CD82: variants seen among roughly 807,000 people sequenced by gnomAD.
CD82 encodes CD82 molecule.
A neutral mutation model predicts 37.4 loss-of-function variants in CD82; 36 were observed. The ratio of observed to expected loss-of-function variants is 0.96; its 90% confidence interval spans 0.74 to 1.27. CD82 has a LOEUF of 1.27. Among genes scored for constraint, CD82 ranks in the 50% most tolerant of loss-of-function variants. CD82 has a pLI of 0.00. For missense variants in CD82, 340 were observed against 347.0 expected, an observed-to-expected ratio of 0.98 and a Z score of 0.16; for synonymous variants, 158 against 137.4, an observed-to-expected ratio of 1.15 and a Z score of -1.05.
intron 4 of CD82, among the ~76,000 whole-genome samples, chr11:44,604,201 C>T (rs1430901198): frequency 1.3e-5 from 2 of 152,186 alleles, no homozygotes; most frequent in East Asian, 3.8e-4. Flanking sequence ...AATGTCAGAC[C>T]TTGTTAGTCA....
chr11:44,602,517 C>T (rs1853322049), intron 4 of CD82, among the ~76,000 whole-genome samples: 1 of 152,112 alleles, frequency 6.6e-6, no homozygotes, highest in African/African-American at 2.4e-5. Context: ...AGGCTTTAGA[C>T]CCATTTTACA....
chr11:44,574,957 G>T (rs1852868925), intron 1 of CD82, among the ~76,000 whole-genome samples: 1 of 152,186 alleles, frequency 6.6e-6, no homozygotes, highest in African/African-American at 2.4e-5. Flanking sequence ...TGATCGCCTT[G>T]TCCCTATGTA....
At chr11:44,581,222 G>T (rs1852974452) in intron 1 of CD82, among the ~76,000 whole-genome samples, 1 of 152,214 alleles carries the variant, frequency 6.6e-6, no homozygotes, top group Non-Finnish European at 1.5e-5. Flanking sequence ...CAGGCAGCAT[G>T]GTGTGACAGT....
rs758151345 is a variant in CD82, at chr11:44,618,287, GAGGA to G, written c.568_571del (p.Lys190AlafsTer118). On this transcript the variant is annotated frameshift_variant, in exon 8 of 10. Transcript: ENST00000227155. LOFTEE classifies it high-confidence loss of function. ...GGGAAGAGGACAACAGCCTTTCTGT[GAGGA>G]AGGGCTTCTGCGAGGCCCCCGGCAA... 4.3e-6 allele frequency: 7 copies of G among 1,614,036 alleles called. No individual in the cohort carries two copies. The highest frequency in any genetic ancestry group is 5.9e-6 in the Non-Finnish European group (7 of 1,180,034).
chr11:44,587,328 T>C, intron 1 of CD82, 147 bp from the exon 2 acceptor site: 1 of 419,492 alleles, frequency 2.4e-6, no homozygotes, highest in Non-Finnish European at 4.9e-6. Context: ...CATGAGCCTG[T>C]GGGGGGAAGA....
rs962887354 is a variant in CD82, at chr11:44,597,421, G to A, written c.63+2696G>A. 2.0e-5 allele frequency among the ~76,000 whole-genome samples: 3 copies of A among 152,238 alleles called. No individual in the cohort carries two copies. Among genetic ancestry groups the A allele is most frequent in the Non-Finnish European group, 4.4e-5 (3 of 68,038 alleles). Reference sequence around the variant, plus strand: ...TCCAGTCTTGGTTCACAGAGAAAAAGGGGGTGCCATGGTGCCTTGCCCATT... The same window carrying A: ...TCCAGTCTTGGTTCACAGAGAAAAAAGGGGTGCCATGGTGCCTTGCCCATT... On this transcript the variant is annotated intron_variant, in intron 3 of 9. Coordinates refer to ENST00000227155, the MANE Select transcript of CD82 (RefSeq NM_002231.4). The surrounding 1 kb of genome is among the most constrained non-coding windows in gnomAD (Gnocchi z 4.1).
At chr11:44,594,587 T>C (rs1853194010) in intron 2 of CD82, 56 bp from the exon 3 acceptor site, 1 of 1,116,752 alleles carries the variant, frequency 9.0e-7, no homozygotes, top group African/African-American at 1.5e-5. Flanking sequence ...CTGGGGTTGC[T>C]GCAAGGGCAG....
intron 4 of CD82, 127 bp downstream of exon 4, chr11:44,600,357 G>A (rs576017432): frequency 4.7e-6 from 4 of 854,564 alleles, no homozygotes; most frequent in Non-Finnish European, 7.5e-6. Context: ...CCTCAGGGAT[G>A]TGGCGAGGTC....
At chr11:44,571,204 T>C (rs1852810003) in intron 1 of CD82, among the ~76,000 whole-genome samples, 1 of 152,180 alleles carries the variant, frequency 6.6e-6, no homozygotes, top group African/African-American at 2.4e-5. Flanking sequence ...AGCATGACCT[T>C]GGCCAGAGAG....
At chr11:44,572,631 T>C (rs552316090) in intron 1 of CD82, among the ~76,000 whole-genome samples, 2 of 152,192 alleles carry the variant, frequency 1.3e-5, no homozygotes, top group South Asian at 2.1e-4. Flanking sequence ...AAGAGTTAGA[T>C]ATGAATAGGA....
chr11:44,594,872 C>G (rs1181524496), intron 3 of CD82, 147 bp downstream of exon 3: 4 of 672,112 alleles, frequency 6.0e-6, no homozygotes, highest in Non-Finnish European at 1.1e-5. Flanking sequence ...TCCAACGGAA[C>G]CTAGTTGGGG....
At chr11:44,586,516 C>T (rs1443843071) in intron 1 of CD82, among the ~76,000 whole-genome samples, 1 of 152,184 alleles carries the variant, frequency 6.6e-6, no homozygotes, top group Non-Finnish European at 1.5e-5. Context: ...ATCAGCCAGG[C>T]ATCGTGGCGT....
In CD82 at chr11:44,605,074, G is replaced by T; in HGVS notation, c.153G>T (p.Ser51=). 6.2e-7 allele frequency: 1 copy of T among 1,614,170 alleles called. No individual in the cohort carries two copies. The highest frequency in any genetic ancestry group is 8.5e-7 in the Non-Finnish European group (1 of 1,180,032). Residue 51 remains serine, a synonymous_variant, in exon 5 of 10, where the codon TCG becomes TCT. Coordinates refer to ENST00000227155, the MANE Select transcript of CD82 (RefSeq NM_002231.4). ...FISVLQTSSS[S]LRMGAYVFIG... ...TCCCCCTAGAAACCTCCTCCAGCTC[G>T]CTTAGGATGGGGGCCTATGTCTTCA...
intron 3 of CD82, among the ~76,000 whole-genome samples, chr11:44,598,124 C>T (rs1352355850): frequency 2.6e-5 from 4 of 152,080 alleles, no homozygotes; most frequent in Admixed American, 6.5e-5. Context: ...TTACAAGGCC[C>T]GTCTCACTGG....
At chr11:44,610,647 T>C (rs1853467164) in intron 6 of CD82, among the ~76,000 whole-genome samples, 1 of 151,886 alleles carries the variant, frequency 6.6e-6, no homozygotes, top group African/African-American at 2.4e-5. Flanking sequence ...GCTGCACAGA[T>C]CAAGGTCTGG....
At chr11:44,577,256 C>T (rs984355762) in intron 1 of CD82, among the ~76,000 whole-genome samples, 1 of 152,182 alleles carries the variant, frequency 6.6e-6, no homozygotes, top group African/African-American at 2.4e-5. Context: ...CTGTGCTTGT[C>T]CTCTAAAATG....
intron 1 of CD82, among the ~76,000 whole-genome samples, chr11:44,586,885 CAG>C: frequency 6.6e-6 from 1 of 152,342 alleles, no homozygotes; most frequent in Non-Finnish European, 1.5e-5. Context: ...CTCTGGGAAA[CAG>C]GGTGAGTGGC....
At chr11:44,565,374 G>A (rs1335973625), upstream of CD82, among the ~76,000 whole-genome samples, 2 of 152,206 alleles carry the variant, frequency 1.3e-5, no homozygotes, top group East Asian at 3.9e-4. Flanking sequence ...CAGGGCTGGA[G>A]CGGGGCGGGC....
rs1853613348 is a variant in CD82 at position 44,618,966 on chromosome 11, C to T, written c.727-83C>T. 3.3e-6 allele frequency: 4 copies of T among 1,207,900 alleles called. No individual in the cohort carries two copies. The East Asian group carries it at 7.0e-5, about 21-fold the overall frequency. 74.8% of individuals were successfully genotyped at this position (1,207,900 alleles called of 1,614,324 possible). A position where few individuals can be genotyped will look rare whatever the true frequency, so the allele number is the denominator to read the frequency against. On this transcript the variant is annotated intron_variant, in intron 9 of 9. Transcript: ENST00000227155. ...GCTCAAGTTGAGGATCCACTTAATC[C>T]CCATGTAAACCTGGATGGTGAGGCT...
Sources: allele counts gnomAD v4.1 joint callset (sites outside exome capture counted in the v4.1 genomes callset), GRCh38; gene constraint gnomAD v4.1.1; non-coding constraint Gnocchi (gnomAD v3.1); transcripts MANE v1.5; gene names NCBI Gene and HGNC (gene_info 2026-07-23, HGNC 2026-07-21).